SLC35D4: variants seen among roughly 807,000 people sequenced by gnomAD.
SLC35D4 encodes the protein solute carrier family 35 member D4.
At chr18:23,345,270 T>TCAGGAGTTCAAGAC in the SLC35D4 span, among the ~76,000 whole-genome samples, 1 of 151,790 alleles carries the variant, frequency 6.6e-6, no homozygotes, top group African/African-American at 2.4e-5. Context: ...GATCGCTAGG[T>TCAGGAGTTCAAGAC]CAGGAGTTCA....
At chr18:23,360,115 A>T in the SLC35D4 span, among the ~76,000 whole-genome samples, 1 of 152,146 alleles carries the variant, frequency 6.6e-6, no homozygotes, top group Non-Finnish European at 1.5e-5. Flanking sequence ...GCCCTCACAC[A>T]CCCTCTAGAA....
chr18:23,356,575 T>C, the SLC35D4 span: 2 of 1,613,448 alleles, frequency 1.2e-6, no homozygotes, highest in Non-Finnish European at 1.7e-6. The surrounding 1 kb of genome is among the most constrained non-coding windows in gnomAD (Gnocchi z 4.1). Context: ...AGCATACAAA[T>C]GAGTGAGCTT....
chr18:23,371,565 T>G, the SLC35D4 span: 3 of 1,001,352 alleles, frequency 3.0e-6, no homozygotes, highest in East Asian at 5.6e-5. Context: ...CAATGCTCAG[T>G]GCCAAGCAAG....
the SLC35D4 span, among the ~76,000 whole-genome samples, chr18:23,244,462 T>G: frequency 6.6e-6 from 1 of 152,276 alleles, no homozygotes; most frequent in Non-Finnish European, 1.5e-5. Flanking sequence ...GCTACCCGTT[T>G]ATTTCCATAG....
chr18:23,365,413 T>C, the SLC35D4 span, among the ~76,000 whole-genome samples: 2 of 152,240 alleles, frequency 1.3e-5, no homozygotes, highest in Admixed American at 6.5e-5. Flanking sequence ...TCTGAGATCA[T>C]ACTGGATGAA....
the SLC35D4 span, among the ~76,000 whole-genome samples, chr18:23,244,377 G>A: frequency 1.3e-5 from 2 of 152,234 alleles, no homozygotes; most frequent in Non-Finnish European, 2.9e-5. Flanking sequence ...CAGTGGGAGG[G>A]AGAGTTGATC....
the SLC35D4 span, among the ~76,000 whole-genome samples, chr18:23,380,894 A>T: frequency 6.6e-5 from 10 of 152,094 alleles, no homozygotes; most frequent in African/African-American, 2.4e-4. Context: ...TATTTTCATA[A>T]TCTGAGAATG....
At chr18:23,354,683 C>T in the SLC35D4 span, among the ~76,000 whole-genome samples, 1 of 152,130 alleles carries the variant, frequency 6.6e-6, no homozygotes, top group Non-Finnish European at 1.5e-5. Flanking sequence ...TCCTTTCCCT[C>T]GAGTCTTTCC....
the SLC35D4 span, among the ~76,000 whole-genome samples, chr18:23,272,739 G>T: frequency 1.3e-5 from 2 of 152,258 alleles, no homozygotes; most frequent in East Asian, 1.9e-4. Context: ...GTCTTCGTTA[G>T]CATTTCTTTC....
the SLC35D4 span, among the ~76,000 whole-genome samples, chr18:23,414,087 T>C: frequency 6.6e-6 from 1 of 150,786 alleles, no homozygotes; most frequent in African/African-American, 2.4e-5. Flanking sequence ...AAACCCCGTC[T>C]CTACTGAAAA....
chr18:23,328,048 G>A, the SLC35D4 span, among the ~76,000 whole-genome samples: 4 of 152,118 alleles, frequency 2.6e-5, no homozygotes, highest in South Asian at 6.2e-4. Flanking sequence ...TTGATGGGAC[G>A]TATCTCAAAA....
the SLC35D4 span, among the ~76,000 whole-genome samples, chr18:23,249,203 A>G: frequency 6.6e-6 from 1 of 152,244 alleles, no homozygotes; most frequent in African/African-American, 2.4e-5. Flanking sequence ...AGGAGCCAGA[A>G]TTGTTTTTGG....
chr18:23,293,951 C>A, the SLC35D4 span, among the ~76,000 whole-genome samples: 1 of 151,940 alleles, frequency 6.6e-6, no homozygotes, highest in African/African-American at 2.4e-5. Context: ...AGCCACCATG[C>A]CTGGCTAATT....
At chr18:23,372,469 A>G in the SLC35D4 span, among the ~76,000 whole-genome samples, 1 of 152,214 alleles carries the variant, frequency 6.6e-6, no homozygotes, top group Non-Finnish European at 1.5e-5. Flanking sequence ...CTAGCATCAG[A>G]GAGATCTGGG....
chr18:23,249,007 GGCGCTGGC>G, the SLC35D4 span, among the ~76,000 whole-genome samples: 1 of 152,210 alleles, frequency 6.6e-6, no homozygotes, highest in African/African-American at 2.4e-5. Context: ...TTGGGAAACT[GGCGCTGGC>G]ACTGGCTGCT....
the SLC35D4 span, among the ~76,000 whole-genome samples, chr18:23,321,697 CA>C: frequency 1.3e-5 from 2 of 152,154 alleles, no homozygotes; most frequent in African/African-American, 4.8e-5. Context: ...TCAAACAACC[CA>C]TCAGCCATGG....
At chr18:23,412,211 T>A in the SLC35D4 span, among the ~76,000 whole-genome samples, 8 of 152,148 alleles carry the variant, frequency 5.3e-5, no homozygotes, top group South Asian at 1.5e-3. Flanking sequence ...CCCAGCTACT[T>A]GGGAGGCTGA....
chr18:23,266,420 A>C, the SLC35D4 span, among the ~76,000 whole-genome samples: 8 of 152,150 alleles, frequency 5.3e-5, no homozygotes, highest in Non-Finnish European at 1.0e-4. Context: ...AAAAAAAAAA[A>C]AAACAAATCC....
the SLC35D4 span, among the ~76,000 whole-genome samples, chr18:23,432,651 A>G: frequency 1.3e-5 from 2 of 150,228 alleles, no homozygotes; most frequent in African/African-American, 4.9e-5. Flanking sequence ...ACTGCACTCC[A>G]GCCTAGGAGA....
Sources: gnomAD v4.1 joint callset for allele counts (sites outside exome capture counted in the v4.1 genomes callset) on GRCh38, gnomAD v4.1.1 for gene constraint, Gnocchi (gnomAD v3.1) non-coding constraint, MANE v1.5 for transcripts, NCBI Gene and HGNC (gene_info 2026-07-23, HGNC 2026-07-21) for gene names.